Variants in HEATR5B observed in about 807,000 individuals in gnomAD.
The protein encoded by HEATR5B is HEAT repeat-containing protein 5B.
HEATR5B carries 156 observed loss-of-function variants against 224.1 expected under a neutral mutation model. The observed-to-expected ratio is 0.70, with a 90% CI of 0.61 to 0.80. The LOEUF (loss-of-function observed/expected upper bound fraction) is 0.80. Ranked by LOEUF, HEATR5B falls within the 30% of genes least tolerant of loss-of-function variation. The pLI, the probability that HEATR5B is intolerant of heterozygous loss-of-function variation, is 0.00. For synonymous variants in HEATR5B, 1,027 were observed against 893.0 expected, an observed-to-expected ratio of 1.15 and a Z score of -2.68; for missense variants, 2,323 against 2,535.5, an observed-to-expected ratio of 0.92 and a Z score of 1.80.
At chr2:36,990,613 T>C (rs759185959) in intron 34 of HEATR5B, 35 bp downstream of exon 34, 2 of 1,480,444 alleles carry the variant, frequency 1.4e-6, no homozygotes, top group South Asian at 1.4e-5. Flanking sequence ...TAAAGGGAAA[T>C]GTTTTTATCT....
At position 37,028,902 on chromosome 2, in the gene HEATR5B, G is replaced by C. The variant is rs370988962; in HGVS notation, c.3380C>G (p.Pro1127Arg). 1.9e-6 allele frequency: 3 copies of C among 1,613,868 alleles called. No homozygotes were observed. The highest frequency in any genetic ancestry group is 2.5e-6 in the Non-Finnish European group (3 of 1,179,838). ...SSSANVSPFAPGVSSRTDIHC... is the reference protein window; with the variant it reads ...SSSANVSPFARGVSSRTDIHC... ...GATATCAGTTCGAGAACTAACCCCA[G>C]GGGCAAAAGGACTGACATCTGAAAG... Residue 1127 changes from proline to arginine, a missense_variant, in exon 23 of 36, where the codon CCT becomes CGT. Coordinates refer to ENST00000233099, the MANE Select transcript of HEATR5B (RefSeq NM_019024.3).
At chr2:36,984,215 A>AAAAAAAAAT in intron 35 of HEATR5B, among the ~76,000 whole-genome samples, 1 of 77,644 alleles carries the variant, frequency 1.3e-5, no homozygotes, top group African/African-American at 5.9e-5. Context: ...AAAAAAAAAA[A>AAAAAAAAAT]ATATATATAT....
In HEATR5B at chr2:37,068,949, A is replaced by G. The variant is rs76447294; in HGVS notation, c.928-19T>C. On this transcript the variant is annotated intron_variant, in intron 7 of 35. Transcript: ENST00000233099. ...CATACGCCTGTAAAAAGAGGAAGGT[A>G]CGACTTCAGATACACTTACATAACT... 0.048 allele frequency: 76,679 copies of G among 1,604,834 alleles called. 2,098 individuals are homozygous for G. The highest frequency in any genetic ancestry group is 0.055 in the Non-Finnish European group (64,224 of 1,173,078).
intron 5 of HEATR5B, 45 bp downstream of exon 5, chr2:37,075,440 G>A: frequency 1.3e-6 from 2 of 1,481,978 alleles, no homozygotes; most frequent in Non-Finnish European, 1.8e-6. Flanking sequence ...CTGTTTAAGA[G>A]CAAGAAGGAT....
chr2:37,076,356 C>G (rs1176699102), intron 4 of HEATR5B, among the ~76,000 whole-genome samples: 2 of 152,028 alleles, frequency 1.3e-5, no homozygotes, highest in Non-Finnish European at 2.9e-5. Context: ...ATAATTTAGA[C>G]ACAAAACACA....
intron 26 of HEATR5B, among the ~76,000 whole-genome samples, chr2:37,016,018 G>T (rs1668089974): frequency 6.6e-6 from 1 of 151,848 alleles, no homozygotes; most frequent in South Asian, 2.1e-4. Context: ...AACCAGGCAA[G>T]TGCAGTGACA....
At chr2:37,027,735 A>C (rs1572839255) in intron 24 of HEATR5B, among the ~76,000 whole-genome samples, 188 bp downstream of exon 24, 1 of 152,322 alleles carries the variant, frequency 6.6e-6, no homozygotes, top group South Asian at 2.1e-4. Context: ...TTATCTTCCC[A>C]ATAGGAATCA....
chr2:37,019,702 C>T (rs933193720), intron 26 of HEATR5B, 107 bp downstream of exon 26: 22 of 708,872 alleles, frequency 3.1e-5, no homozygotes, highest in Non-Finnish European at 4.6e-5. Flanking sequence ...AGCGATCCTC[C>T]CATGTTGGTC....
intron 27 of HEATR5B, among the ~76,000 whole-genome samples, chr2:37,011,508 A>G (rs1345308836): frequency 6.6e-6 from 1 of 152,240 alleles, no homozygotes; most frequent in Non-Finnish European, 1.5e-5. Flanking sequence ...AATAAGAGTT[A>G]AAAATGACTC....
intron 33 of HEATR5B, among the ~76,000 whole-genome samples, chr2:36,994,466 T>C (rs1435846560): frequency 6.6e-6 from 1 of 152,158 alleles, no homozygotes; most frequent in Non-Finnish European, 1.5e-5. Context: ...AATACTCTAT[T>C]ATAAAACTTT....
Position 37,083,377 on chromosome 2 carries a change from G to A in HEATR5B, c.38C>T (p.Ala13Val), listed in dbSNP as rs747978747. Residue 13 changes from alanine (A) to valine (V), a missense_variant, in exon 2 of 36, where the codon GCT becomes GTT. By Grantham distance (64) the Ala-to-Val change is moderately conservative (BLOSUM62 0). This residue lies in a region of HEATR5B where 292 missense variants were observed against 332.6 expected (regional missense o/e 0.88). Coordinates refer to ENST00000233099, the MANE Select transcript of HEATR5B (RefSeq NM_019024.3). ...LAHSLLLNEE[A>V]LAQITEAKRP... ...TTTTGCTTCGGTGATTTGAGCCAAAGCTTCTTCATTTAGCAATAAACTGTG... is the reference window on the plus strand; with the variant it reads ...TTTTGCTTCGGTGATTTGAGCCAAAACTTCTTCATTTAGCAATAAACTGTG... 10 of 1,613,702 alleles carry A rather than the reference G, an allele frequency of 6.2e-6. No homozygotes were observed. Among genetic ancestry groups the A allele is most frequent in the African/African-American group, 1.3e-5 (1 of 74,916 alleles).
Position 37,058,526 on chromosome 2 carries a change from G to C in HEATR5B, c.1984C>G (p.Leu662Val). The C allele has an allele frequency of 6.2e-7, 1 of 1,612,862 alleles. No homozygotes were observed. The highest frequency in any genetic ancestry group is 8.5e-7 in the Non-Finnish European group (1 of 1,178,892). Residue 662 changes from leucine (L) to valine (V), a missense_variant, in exon 14 of 36, where the codon CTG becomes GTG. Around this residue, in one of 12 missense-constraint regions of HEATR5B, gnomAD observed 502 missense variants for 517.8 expected, o/e 0.97. Transcript: ENST00000233099. ...PSVMKAHGAH[L>V]KASAAMVRLR... ...CGGACCATTGCAGCACTAGCTTTCA[G>C]ATGAGCTCCATGGGCTTTCATTACA... is the stretch of plus-strand genomic sequence containing the variant.
Position 37,041,259 on chromosome 2 carries a change from A to T in HEATR5B, c.2730T>A (p.Thr910=). The T allele has an allele frequency of 6.2e-7, 1 of 1,614,210 alleles. No individual in the cohort carries two copies. The highest frequency in any genetic ancestry group is 1.1e-5 in the South Asian group (1 of 91,092). The change falls in exon 19 of 36, where the codon ACT becomes ACA. Residue 910 remains threonine (T), a synonymous_variant. Transcript: ENST00000233099. Reference sequence around the variant, plus strand: ...AACAACCAAGAGCCAATGAATGACCAGTCCTAGATACAACATCTCGAGCCG... The same window carrying T: ...AACAACCAAGAGCCAATGAATGACCTGTCCTAGATACAACATCTCGAGCCG... ...LKSARDVVSR[T]GHSLALGCLH...
chr2:37,005,751 T>C lies in HEATR5B; in HGVS notation c.4786A>G (p.Ile1596Val). The C allele has an allele frequency of 1.1e-5, 17 of 1,585,972 alleles. No individual in the cohort carries two copies. The highest frequency in any genetic ancestry group is 1.3e-5 in the Non-Finnish European group (15 of 1,171,354). ...GGTCTAGGGGAACAAAGAAACTGTA[T>C]ACTCACACCTGAAATGCACAAAATA... ...DRMHLILGVS[I>V]QFLCSPRPEE... Residue 1596 changes from isoleucine (I) to valine (V), a missense_variant, in exon 30 of 36, where the codon ATA becomes GTA. This residue lies in a region of HEATR5B where 844 missense variants were observed against 812.9 expected (regional missense o/e 1.04). Coordinates refer to ENST00000233099, the MANE Select transcript of HEATR5B (RefSeq NM_019024.3).
intron 22 of HEATR5B, among the ~76,000 whole-genome samples, chr2:37,029,215 T>C (rs1400537810): frequency 6.6e-6 from 1 of 152,228 alleles, no homozygotes; most frequent in Non-Finnish European, 1.5e-5. Flanking sequence ...GACAGAGATA[T>C]ACTGCTAAAT....
intron 26 of HEATR5B, among the ~76,000 whole-genome samples, chr2:37,014,932 G>C (rs561062696): frequency 6.6e-6 from 1 of 151,516 alleles, no homozygotes; most frequent in African/African-American, 2.4e-5. Flanking sequence ...AGCCGAGATC[G>C]CACCACTGCA....
chr2:36,992,050 T>C (rs1438526628), intron 33 of HEATR5B, among the ~76,000 whole-genome samples: 13 of 151,940 alleles, frequency 8.6e-5, no homozygotes, highest in Admixed American at 8.5e-4. Context: ...ATACAAAAAT[T>C]AGCTGGGCAT....
Position 37,020,813 on chromosome 2 carries a change from A to AGCT in HEATR5B, c.3876_3877insAGC (p.Ser1293dup). On this transcript the variant is annotated inframe_insertion, in exon 25 of 36. Coordinates refer to ENST00000233099, the MANE Select transcript of HEATR5B (RefSeq NM_019024.3). ...ATGAATGCCATGCGAATGAGGTCAG[A>AGCT]GAGATGAAGTACCAAGAGGTCATCT... is the stretch of plus-strand genomic sequence containing the variant. The AGCT allele has an allele frequency of 6.4e-7, 1 of 1,567,298 alleles. No individual in the cohort carries two copies. Among genetic ancestry groups the AGCT allele is most frequent in the Non-Finnish European group, 8.6e-7 (1 of 1,165,032 alleles).
chr2:37,046,820 C>A (rs1302628866), intron 18 of HEATR5B, among the ~76,000 whole-genome samples: 1 of 151,128 alleles, frequency 6.6e-6, no homozygotes, highest in Non-Finnish European at 1.5e-5. Context: ...GAGGCCGAGG[C>A]AGGTTGATCA....
Sources: allele counts gnomAD v4.1 joint callset (sites outside exome capture counted in the v4.1 genomes callset), GRCh38; gene constraint gnomAD v4.1.1; regional missense constraint gnomAD v4.1.1; transcripts MANE v1.5; gene names NCBI Gene and HGNC (gene_info 2026-07-23, HGNC 2026-07-21).